Variants in EEFSEC observed in about 807,000 individuals in gnomAD.
EEFSEC encodes eukaryotic elongation factor, selenocysteine-tRNA specific, also known as selenocysteine-specific elongation factor.
In EEFSEC, 43 loss-of-function variants were observed where a neutral mutation model predicts 42.1. That is an observed-to-expected ratio of 1.02 (90% CI 0.80 to 1.32). The LOEUF is 1.32. EEFSEC is among the 40% of genes most tolerant of loss of function. The probability of loss-of-function intolerance (pLI) is 0.00; values close to 1 mark genes in which losing one functional copy is unlikely to be tolerated. For missense variants in EEFSEC, 745 were observed against 803.6 expected, an observed-to-expected ratio of 0.93 and a Z score of 0.88; for synonymous variants, 354 against 339.1, an observed-to-expected ratio of 1.04 and a Z score of -0.48.
chr3:128,282,459 GTTTT>G (rs1425014423), intron 4 of EEFSEC, among the ~76,000 whole-genome samples: 1 of 152,240 alleles, frequency 6.6e-6, no homozygotes, highest in Non-Finnish European at 1.5e-5. Context: ...TTTTGGATCT[GTTTT>G]TGTTTATCAG....
At chr3:128,292,274 A>G (rs996990526) in intron 4 of EEFSEC, among the ~76,000 whole-genome samples, 13 of 151,956 alleles carry the variant, frequency 8.6e-5, no homozygotes, top group Admixed American at 3.3e-4. Flanking sequence ...ATTGCTCTTA[A>G]TTGTCCTTTC....
chr3:128,341,870 A>G lies in EEFSEC; in HGVS notation c.1424A>G (p.Lys475Arg). The G allele has an allele frequency of 6.2e-7, 1 of 1,613,524 alleles. No homozygotes were observed. The highest frequency in any genetic ancestry group is 8.5e-7 in the Non-Finnish European group (1 of 1,179,938). ...CTGAAGGTGTACAAGCTGAAGCACA[A>G]GCATGGCCTTGTGGAGCGGGTGAGC... ...PRLKVYKLKHKHGLVERAMDD... is the reference protein window; with the variant it reads ...PRLKVYKLKHRHGLVERAMDD... The change falls in exon 5 of 7, where the codon AAG (lysine) becomes AGG (arginine). Residue 475 changes from lysine to arginine, a missense_variant. Physicochemically the swap from Lys to Arg is conservative, Grantham distance 26 (BLOSUM62 2). Transcript: ENST00000254730.
intron 1 of EEFSEC, among the ~76,000 whole-genome samples, chr3:128,202,729 T>C (rs1210119506): frequency 6.6e-6 from 1 of 152,206 alleles, no homozygotes; most frequent in Non-Finnish European, 1.5e-5. Flanking sequence ...CTTGCCTCGT[T>C]CTGATCATGG....
intron 1 of EEFSEC, among the ~76,000 whole-genome samples, chr3:128,193,022 G>T (rs367838181): frequency 1.3e-5 from 2 of 152,146 alleles, no homozygotes; most frequent in Non-Finnish European, 2.9e-5. Flanking sequence ...ATGATCTTAC[G>T]TGACAACATG....
At chr3:128,309,027 T>C (rs1402747784) in intron 4 of EEFSEC, among the ~76,000 whole-genome samples, 1 of 152,260 alleles carries the variant, frequency 6.6e-6, no homozygotes, top group Non-Finnish European at 1.5e-5. Flanking sequence ...GGCTGCCAGA[T>C]AGTCAACTAG....
At chr3:128,361,732 G>A (rs955769033) in intron 6 of EEFSEC, among the ~76,000 whole-genome samples, 8 of 152,190 alleles carry the variant, frequency 5.3e-5, no homozygotes, top group Non-Finnish European at 8.8e-5. Flanking sequence ...GGAAAGCCCC[G>A]TATTTACAAA....
chr3:128,322,436 A>G (rs1411337262), intron 4 of EEFSEC, among the ~76,000 whole-genome samples: 2 of 152,060 alleles, frequency 1.3e-5, no homozygotes, highest in Non-Finnish European at 2.9e-5. Flanking sequence ...ATTGTCACCA[A>G]CTCCCTCCAG....
At chr3:128,399,165 A>G (rs914561988) in intron 6 of EEFSEC, among the ~76,000 whole-genome samples, 1 of 152,122 alleles carries the variant, frequency 6.6e-6, no homozygotes, top group African/African-American at 2.4e-5. Context: ...ACGCTCCCCA[A>G]TCTCCACAGC....
intron 1 of EEFSEC, among the ~76,000 whole-genome samples, chr3:128,229,736 T>C (rs2065941439): frequency 6.6e-6 from 1 of 152,196 alleles, no homozygotes; most frequent in Admixed American, 6.5e-5. Context: ...ATTGGCGAAT[T>C]TCATATAATA....
intron 5 of EEFSEC, among the ~76,000 whole-genome samples, chr3:128,350,346 C>T (rs1202583608): frequency 6.6e-6 from 1 of 152,170 alleles, no homozygotes; most frequent in Non-Finnish European, 1.5e-5. Context: ...GCTGCAGGGC[C>T]CCTCGCCCTT....
At chr3:128,286,234 C>G (rs2066584385) in intron 4 of EEFSEC, among the ~76,000 whole-genome samples, 1 of 152,228 alleles carries the variant, frequency 6.6e-6, no homozygotes, top group African/African-American at 2.4e-5. Context: ...ATTTTGCACC[C>G]TTCCCTTTGT....
intron 6 of EEFSEC, among the ~76,000 whole-genome samples, chr3:128,364,848 C>T (rs1231647931): frequency 6.6e-6 from 1 of 152,236 alleles, no homozygotes; most frequent in Non-Finnish European, 1.5e-5. Context: ...GCAGCGTGGC[C>T]CCAACCCACA....
At chr3:128,204,541 A>G (rs1382836046) in intron 1 of EEFSEC, among the ~76,000 whole-genome samples, 1 of 152,028 alleles carries the variant, frequency 6.6e-6, no homozygotes, top group Non-Finnish European at 1.5e-5. Flanking sequence ...GCTGTTTGTC[A>G]CAGTGTCTAA....
At chr3:128,377,333 T>C (rs1468560519) in intron 6 of EEFSEC, among the ~76,000 whole-genome samples, 1 of 152,202 alleles carries the variant, frequency 6.6e-6, no homozygotes, top group Non-Finnish European at 1.5e-5. Flanking sequence ...GAGCCTGGGC[T>C]CCGGGCTCAG....
intron 4 of EEFSEC, among the ~76,000 whole-genome samples, chr3:128,294,843 G>A (rs554225210): frequency 2.4e-4 from 36 of 152,286 alleles, no homozygotes; most frequent in African/African-American, 7.9e-4. Context: ...ATTTTTGTTC[G>A]AATTAGAATT....
intron 6 of EEFSEC, 102 bp downstream of exon 6, chr3:128,358,475 C>G: frequency 6.6e-7 from 1 of 1,506,042 alleles, no homozygotes; most frequent in Non-Finnish European, 9.0e-7. Context: ...GGTTCCTAAT[C>G]CTGCCTTTGC....
At chr3:128,312,787 TTTCTC>T (rs1324782694) in intron 4 of EEFSEC, among the ~76,000 whole-genome samples, 1 of 152,230 alleles carries the variant, frequency 6.6e-6, no homozygotes, top group Non-Finnish European at 1.5e-5. Flanking sequence ...CAATTTTTCT[TTTCTC>T]TTCCCTTTTC....
chr3:128,164,593 C>T (rs2065226161), intron 1 of EEFSEC, among the ~76,000 whole-genome samples: 1 of 152,114 alleles, frequency 6.6e-6, no homozygotes, highest in African/African-American at 2.4e-5. Flanking sequence ...TTGGCTGGGT[C>T]ACAGGCCAGT....
At chr3:128,257,971 A>G (rs1295538505) in intron 2 of EEFSEC, among the ~76,000 whole-genome samples, 1 of 152,196 alleles carries the variant, frequency 6.6e-6, no homozygotes, top group African/African-American at 2.4e-5. Context: ...TATTTGTGGA[A>G]TGTGGTGGTT....
Sources: gnomAD v4.1 joint callset for allele counts (sites outside exome capture counted in the v4.1 genomes callset) on GRCh38, gnomAD v4.1.1 for gene constraint, MANE v1.5 for transcripts, NCBI Gene and HGNC (gene_info 2026-07-23, HGNC 2026-07-21) for gene names.